LNX1: variants seen among roughly 807,000 people sequenced by gnomAD.
LNX1 encodes the protein E3 ubiquitin-protein ligase LNX.
In LNX1, 54 loss-of-function variants were observed where a neutral mutation model predicts 68.4. That is an observed-to-expected ratio of 0.79 (90% confidence interval 0.63 to 0.99). The LOEUF (loss-of-function observed/expected upper bound fraction) is 0.99, where lower values mean the gene tolerates loss of function less well. Ranked by LOEUF, LNX1 falls within the 50% of genes least tolerant of loss-of-function variation. The pLI is 0.00. For synonymous variants in LNX1, 336 were observed against 350.0 expected (o/e 0.96, Z 0.45); for missense variants, 906 against 926.4 (o/e 0.98, Z 0.29).
At chr4:53,557,812 G>C (rs1275054387) in intron 2 of LNX1, 5 of 1,593,602 alleles carry the variant, frequency 3.1e-6, no homozygotes, top group Non-Finnish European at 4.3e-6. Flanking sequence ...GAATGGACTC[G>C]GGTCCCACCC....
chr4:53,643,907 T>C (rs560982174), intron 1 of LNX1, among the ~76,000 whole-genome samples: 5 of 152,328 alleles, frequency 3.3e-5, no homozygotes, highest in Admixed American at 6.5e-5. Context: ...ATTTCATGAA[T>C]GGAGCATGAC....
intron 1 of LNX1, among the ~76,000 whole-genome samples, chr4:53,624,874 T>A (rs1390065989): frequency 6.6e-6 from 1 of 152,224 alleles, no homozygotes; most frequent in Non-Finnish European, 1.5e-5. Context: ...TATTTAAGAT[T>A]CCAGAATTTT....
At chr4:53,558,264 G>C in intron 2 of LNX1, 1 of 1,190,156 alleles carries the variant, frequency 8.4e-7, no homozygotes, top group Non-Finnish European at 1.1e-6. Context: ...CCCTCCTGCA[G>C]GATGCGGACT....
intron 2 of LNX1, among the ~76,000 whole-genome samples, chr4:53,600,024 G>A (rs1314488129): frequency 6.6e-6 from 1 of 152,172 alleles, no homozygotes; most frequent in African/African-American, 2.4e-5. Context: ...AGAGTTGGCA[G>A]CTCAGTAACC....
Position 53,476,830 on chromosome 4 carries a change from T to C in LNX1, c.1815A>G (p.Ala605=). 6.2e-7 allele frequency: 1 copy of C among 1,614,218 alleles called. No individual in the cohort carries two copies. The highest frequency in any genetic ancestry group is 8.5e-7 in the Non-Finnish European group (1 of 1,180,036). ...CCATGTTGTGGTTGGAGTCCAGGGCTGCTGGGCTGCTGCAGTCTTCCTGGG... is the reference window on the plus strand; with the variant it reads ...CCATGTTGTGGTTGGAGTCCAGGGCCGCTGGGCTGCTGCAGTCTTCCTGGG... ...YEPQEDCSSP[A]ALDSNHNMAP... is the part of the protein sequence containing the mutation. The change falls in exon 9 of 11, where the codon GCA becomes GCG. Residue 605 remains alanine, a synonymous_variant. Coordinates refer to ENST00000263925, the MANE Select transcript of LNX1 (RefSeq NM_001126328.3).
intron 6 of LNX1, among the ~76,000 whole-genome samples, chr4:53,490,546 A>G (rs1198832652): frequency 6.6e-6 from 1 of 152,220 alleles, no homozygotes; most frequent in Non-Finnish European, 1.5e-5. Flanking sequence ...AGAGCTCAAC[A>G]TATGTAAAGC....
At position 53,465,750 on chromosome 4, in the gene LNX1, G is replaced by A. The variant is rs1379008799; in HGVS notation, c.1893-4157C>T. Among the ~76,000 whole-genome samples, 4 of 151,890 alleles carry A rather than the reference G, an allele frequency of 2.6e-5. No homozygotes were observed. The East Asian group carries it at 7.7e-4, about 29-fold the overall frequency. ...GTATTCAAGTTAAAATGAAAAATAT[G>A]TTGCTAGCTTTTTTTGAAGTTGGTT... On this transcript the variant is annotated intron_variant, in intron 9 of 10. Coordinates refer to ENST00000263925, the MANE Select transcript of LNX1 (RefSeq NM_001126328.3).
At chr4:53,478,265 T>C (rs901896795) in intron 8 of LNX1, among the ~76,000 whole-genome samples, 4 of 152,184 alleles carry the variant, frequency 2.6e-5, no homozygotes, top group Non-Finnish European at 5.9e-5. Flanking sequence ...TTAGAATGAA[T>C]GGAACTACAT....
At chr4:53,595,528 A>G (rs1577775942), upstream of LNX1, among the ~76,000 whole-genome samples, 2 of 152,334 alleles carry the variant, frequency 1.3e-5, no homozygotes, top group Non-Finnish European at 2.9e-5. Flanking sequence ...CGGCAACCAC[A>G]TGATCTTTCT....
intron 1 of LNX1, among the ~76,000 whole-genome samples, chr4:53,651,760 C>G (rs1325530938): frequency 5.3e-5 from 8 of 152,154 alleles, no homozygotes; most frequent in Non-Finnish European, 1.0e-4. Flanking sequence ...GAAACAAAGT[C>G]TGTGTGTGAA....
At chr4:53,545,802 A>ATTTTTTTTTTTTTTTTTTTTTTTTT (rs71197029) in intron 2 of LNX1, among the ~76,000 whole-genome samples, 1 of 111,628 alleles carries the variant, frequency 9.0e-6, no homozygotes, top group African/African-American at 3.6e-5. Flanking sequence ...CAGAGGCCAC[A>ATTTTTTTTTTTTTTTTTTTTTTTTT]TTTTTTTTTT....
intron 6 of LNX1, among the ~76,000 whole-genome samples, chr4:53,489,815 C>T (rs1242504625): frequency 6.6e-6 from 1 of 152,044 alleles, no homozygotes; most frequent in Non-Finnish European, 1.5e-5. Flanking sequence ...AGTCTATGTG[C>T]ATTAAATTTA....
chr4:53,481,780 G>A lies in LNX1; in HGVS notation c.1425C>T (p.Ala475=), dbSNP rs201113367. Residue 475 remains alanine, a synonymous_variant, in exon 7 of 11, where the codon GCC becomes GCT. Coordinates refer to ENST00000263925, the MANE Select transcript of LNX1 (RefSeq NM_001126328.3). ...RQRSPDIFQE[A]GWNSNGSWSP... is the part of the protein sequence containing the mutation. ...ACCAGCTGCCATTGCTGTTCCAGCC[G>A]GCTTCCTGAAAGATGTCAGGGCTCC... is the stretch of plus-strand genomic sequence containing the variant. 15 of 1,613,596 alleles carry A rather than the reference G, an allele frequency of 9.3e-6. No homozygotes were observed. The highest frequency in any genetic ancestry group is 1.3e-5 in the African/African-American group (1 of 74,866).
At chr4:53,652,018 T>TGAGAGAGAGAGA (rs1423382248) in intron 1 of LNX1, 22 of 102,462 alleles carry the variant, frequency 2.1e-4, no homozygotes, top group African/African-American at 8.9e-4. Context: ...GATGTGTGTG[T>TGAGAGAGAGAGA]GTGAGAGAGA....
At chr4:53,595,704 C>T (rs1732720830), upstream of LNX1, among the ~76,000 whole-genome samples, 1 of 152,112 alleles carries the variant, frequency 6.6e-6, no homozygotes, top group African/African-American at 2.4e-5. Flanking sequence ...CTTTATATAT[C>T]TTGACAGGGA....
chr4:53,515,780 G>A (rs889451567), intron 2 of LNX1, among the ~76,000 whole-genome samples: 1 of 152,178 alleles, frequency 6.6e-6, no homozygotes, highest in African/African-American at 2.4e-5. Flanking sequence ...GGAGGAAAAA[G>A]CACATGCTTT....
At chr4:53,609,049 TACAAAAACAG>T (rs1383668599) in intron 2 of LNX1, among the ~76,000 whole-genome samples, 1 of 151,992 alleles carries the variant, frequency 6.6e-6, no homozygotes, top group Non-Finnish European at 1.5e-5. Context: ...GTGGTACTGG[TACAAAAACAG>T]ACACATAGAC....
chr4:53,591,689 C>T (rs577153977), upstream of LNX1: 2 of 556,632 alleles, frequency 3.6e-6, no homozygotes, highest in East Asian at 2.9e-4. Context: ...TCTTTGTGGA[C>T]AAATAAATCA....
Position 53,508,132 on chromosome 4 carries a change from G to A in LNX1, c.476C>T (p.Ala159Val), listed in dbSNP as rs1339613678. 1 of 1,614,162 alleles carries A rather than the reference G, an allele frequency of 6.2e-7. No individual in the cohort carries two copies. The highest frequency in any genetic ancestry group is 8.5e-7 in the Non-Finnish European group (1 of 1,180,018). ...AGCTGCAGAAACCTCTGGGGAGGGA[G>A]CCGTGGCTGTGAGGCTCGCACAGCC... ...PDGCASLTAT[A>V]PSPEVSAAAT... is the part of the protein sequence containing the mutation. The change falls in exon 3 of 11, where the codon GCT (alanine) becomes GTT (valine). Residue 159 changes from alanine to valine, a missense_variant. Transcript: ENST00000263925.
Sources: gnomAD v4.1 joint callset for allele counts (sites outside exome capture counted in the v4.1 genomes callset) on GRCh38, gnomAD v4.1.1 for gene constraint, MANE v1.5 for transcripts, NCBI Gene and HGNC (gene_info 2026-07-23, HGNC 2026-07-21) for gene names.